ADAMTS1: variants seen among roughly 807,000 people sequenced by gnomAD.
ADAMTS1 encodes ADAM metallopeptidase with thrombospondin type 1 motif 1.
In ADAMTS1, 19 loss-of-function variants were observed where a neutral mutation model predicts 87.9. The ratio of observed to expected loss-of-function variants is 0.22; its 90% CI spans 0.15 to 0.32. The LOEUF is 0.32. ADAMTS1 is among the 10% of genes least tolerant of loss of function. The pLI, the probability that ADAMTS1 is intolerant of heterozygous loss-of-function variation, is 1.00. For synonymous variants in ADAMTS1, 542 were observed against 501.8 expected (o/e 1.08, Z -1.07); for missense variants, 1,240 against 1,259.1 (o/e 0.98, Z 0.23).
At position 26,840,581 on chromosome 21, in the gene ADAMTS1, C is replaced by T; in HGVS notation, c.1379-19G>A. On this transcript the variant is annotated intron_variant, in intron 4 of 8. Coordinates refer to ENST00000284984, the MANE Select transcript of ADAMTS1 (RefSeq NM_006988.5). ...CATTCCCCTGCAAAGGAAATGCCAA[C>T]CAATATCAATACAGAGTTAGTGAGG... 1 of 1,610,594 alleles carries T rather than the reference C, an allele frequency of 6.2e-7. No homozygotes were observed.
At position 26,838,424 on chromosome 21, in the gene ADAMTS1, T is replaced by C. The variant is rs1198093937; in HGVS notation, c.2204+15A>G. The C allele has an allele frequency of 6.2e-7, 1 of 1,613,864 alleles. No homozygotes were observed. The highest frequency in any genetic ancestry group is 1.3e-5 in the African/African-American group (1 of 75,048). ...TTAAATTATAAGGTCTGCAAATAGG[T>C]GTTTTAAAACTTACTTTGCACTAGT... On this transcript the variant is annotated intron_variant, in intron 8 of 8. Coordinates refer to ENST00000284984, the MANE Select transcript of ADAMTS1 (RefSeq NM_006988.5).
At chr21:26,842,742 C>T (rs1985523230) in intron 1 of ADAMTS1, 57 bp from the exon 2 acceptor site, 9 of 1,456,452 alleles carry the variant, frequency 6.2e-6, no homozygotes, top group Non-Finnish European at 6.5e-6. Context: ...TAGTTACCTT[C>T]CTAGCATATA....
rs1409414972 is a variant in ADAMTS1 at position 26,839,748 on chromosome 21, C to G, written c.1867G>C (p.Glu623Gln). 1.7e-5 allele frequency: 28 copies of G among 1,608,688 alleles called. No homozygotes were observed. The highest frequency in any genetic ancestry group is 2.3e-5 in the Non-Finnish European group (27 of 1,176,016). ...TCGTTGTGTGCTTCACATTGTTCCT[C>G]TCTAAAGGTTTTTCCTGGAAAGAGA... ...CPDNNGKTFREEQCEAHNEFS... is the reference protein window; with the variant it reads ...CPDNNGKTFRQEQCEAHNEFS... The change falls in exon 7 of 9, where the codon GAG becomes CAG. Residue 623 changes from glutamate (E) to glutamine (Q), a missense_variant. Glu to Gln is a conservative substitution (Grantham distance 29). This residue lies in a region of ADAMTS1 where 317 missense variants were observed against 410.3 expected (regional missense o/e 0.77). Coordinates refer to ENST00000284984, the MANE Select transcript of ADAMTS1 (RefSeq NM_006988.5).
chr21:26,841,438 C>T (rs1465536573), intron 3 of ADAMTS1: 1 of 330,066 alleles, frequency 3.0e-6, no homozygotes, highest in Non-Finnish European at 5.5e-6. Flanking sequence ...GAGATTGTGC[C>T]ACTCCACTCC....
At position 26,837,313 on chromosome 21, in the gene ADAMTS1, A is replaced by C. The variant is rs1340372860; in HGVS notation, c.*266T>G. On this transcript the variant is annotated 3_prime_UTR_variant, in exon 9 of 9. Coordinates refer to ENST00000284984, the MANE Select transcript of ADAMTS1 (RefSeq NM_006988.5). ...AACTTGTAATAGATGTAACAAAAGA[A>C]ATAATAATAATAATGCCCGGGGCTT... The C allele has an allele frequency of 2.5e-5, 9 of 355,696 alleles. No individual in the cohort carries two copies. The highest frequency in any genetic ancestry group is 4.1e-5 in the Non-Finnish European group (8 of 196,186). 22.0% of individuals were successfully genotyped at this position (355,696 alleles called of 1,614,324 possible).
chr21:26,841,693 T>G (rs1985497582), intron 3 of ADAMTS1, 165 bp downstream of exon 3: 2 of 754,934 alleles, frequency 2.6e-6, no homozygotes, highest in East Asian at 5.7e-5. Context: ...TTTTTTACTT[T>G]AATAAAAATG....
At chr21:26,840,879 AG>A in intron 4 of ADAMTS1, 118 bp downstream of exon 4, 1 of 1,273,192 alleles carries the variant, frequency 7.9e-7, no homozygotes, top group South Asian at 1.5e-5. Flanking sequence ...ATCTTGACAG[AG>A]GAAAAGTAAT....
At position 26,835,948 on chromosome 21, in the gene ADAMTS1, G is replaced by A. The variant is rs1985355903; in HGVS notation, c.*1631C>T. The A allele has an allele frequency of 6.6e-6, 1 of 152,178 alleles. No individual in the cohort carries two copies. Among genetic ancestry groups the A allele is most frequent in the Non-Finnish European group, 1.5e-5 (1 of 68,030 alleles). The allele number at this position is 152,178 out of a possible 1,614,324, so 9.4% of individuals were successfully genotyped here. ...GAGCAGTTGTGACATAGATGGTATTGACAGGATAGTTATTGACAGGATTGA... is the reference window on the plus strand; with the variant it reads ...GAGCAGTTGTGACATAGATGGTATTAACAGGATAGTTATTGACAGGATTGA... On this transcript the variant is annotated 3_prime_UTR_variant, in exon 9 of 9. Coordinates refer to ENST00000284984, the MANE Select transcript of ADAMTS1 (RefSeq NM_006988.5).
At chr21:26,844,170 G>C in intron 1 of ADAMTS1, 55 bp downstream of exon 1, 1 of 1,508,824 alleles carries the variant, frequency 6.6e-7, no homozygotes, top group Non-Finnish European at 8.9e-7. Context: ...GCGTGGGATA[G>C]ATAAAGTGAG....
intron 2 of ADAMTS1, 75 bp from the exon 3 acceptor site, chr21:26,842,065 T>C: frequency 6.6e-7 from 1 of 1,510,148 alleles, no homozygotes; most frequent in East Asian, 2.3e-5. Flanking sequence ...TGGCAGGGTG[T>C]GCCTTCACAT....
intron 7 of ADAMTS1, 60 bp from the exon 8 acceptor site, chr21:26,838,674 A>G: frequency 1.3e-6 from 2 of 1,523,004 alleles, no homozygotes; most frequent in Non-Finnish European, 1.8e-6. Flanking sequence ...TGCTGCAATG[A>G]TAAGTGTAAA....
chr21:26,839,497 G>A, intron 7 of ADAMTS1, 90 bp downstream of exon 7: 1 of 1,208,950 alleles, frequency 8.3e-7, no homozygotes, highest in Admixed American at 2.5e-5. Flanking sequence ...TGTTAATATG[G>A]AAAGCAAAGA....
chr21:26,841,833 A>C, intron 3 of ADAMTS1, 25 bp downstream of exon 3: 1 of 1,603,566 alleles, frequency 6.2e-7, no homozygotes, highest in Non-Finnish European at 8.5e-7. Flanking sequence ...AATTGAGCTT[A>C]ACTTCTACTT....
In ADAMTS1 at chr21:26,838,543, A is replaced by G. The variant is rs145067502; in HGVS notation, c.2100T>C (p.Gly700=). The change falls in exon 8 of 9, where the codon GGT becomes GGC. Residue 700 remains glycine, a synonymous_variant. Transcript: ENST00000284984. ...VCVQGQCVKA[G]CDRIIDSKKK... ...TTTTGGAGTCTATGATGCGATCACA[A>G]CCAGCTTTTACACACTGTCCTTGCA... is the stretch of plus-strand genomic sequence containing the variant. The G allele has an allele frequency of 2.0e-4, 318 of 1,614,142 alleles. No individual in the cohort carries two copies. The African/African-American group carries it at 3.7e-3, about 19-fold the overall frequency.
At position 26,844,759 on chromosome 21, in the gene ADAMTS1, C is replaced by T; in HGVS notation, c.196G>A (p.Glu66Lys). ...EDEELVVPEL[E>K]RAPGHGTTRL... is the part of the protein sequence containing the mutation. Reference sequence around the variant, plus strand: ...GTGGTCCCGTGTCCCGGGGCGCGCTCCAGCTCCGGCACCACTAGCTCCTCG... The same window carrying T: ...GTGGTCCCGTGTCCCGGGGCGCGCTTCAGCTCCGGCACCACTAGCTCCTCG... The change falls in exon 1 of 9, where the codon GAG (glutamate) becomes AAG (lysine). Residue 66 changes from glutamate (E) to lysine (K), a missense_variant. Physicochemically the swap from Glu to Lys is moderately conservative, Grantham distance 56. This residue lies in a region of ADAMTS1 where 521 missense variants were observed against 449.7 expected (regional missense o/e 1.16). Coordinates refer to ENST00000284984, the MANE Select transcript of ADAMTS1 (RefSeq NM_006988.5). 2 of 1,553,826 alleles carry T rather than the reference C, an allele frequency of 1.3e-6. No individual in the cohort carries two copies. Among genetic ancestry groups the T allele is most frequent in the East Asian group, 2.4e-5 (1 of 42,362 alleles).
chr21:26,842,811 A>T lies in ADAMTS1; in HGVS notation c.731-126T>A. ...CAAAAATATACCCAGAACAACAATA[A>T]CAAAAATATTTGCATATCTTCACTC... On this transcript the variant is annotated intron_variant, in intron 1 of 8. Transcript: ENST00000284984. 5.5e-6 allele frequency: 4 copies of T among 727,296 alleles called. No individual in the cohort carries two copies. The South Asian group carries it at 7.7e-5, about 14-fold the overall frequency. The allele number at this position is 727,296 out of a possible 1,614,324, so 45.1% of individuals were successfully genotyped here.
chr21:26,840,944 CTT>C, intron 4 of ADAMTS1, 52 bp downstream of exon 4: 2 of 1,563,118 alleles, frequency 1.3e-6, no homozygotes, highest in Non-Finnish European at 8.7e-7. Context: ...TTTAACTAAA[CTT>C]TATGCGTGAA....
chr21:26,843,392 G>T (rs1166115829), intron 1 of ADAMTS1: 8 of 445,736 alleles, frequency 1.8e-5, no homozygotes, highest in Non-Finnish European at 3.7e-5. Flanking sequence ...GCTCCCAGGA[G>T]CAGAGGAGCA....
At position 26,844,447 on chromosome 21, in the gene ADAMTS1, T is replaced by TGGC; in HGVS notation, c.505_507dup (p.Ala169dup). 1.3e-6 allele frequency: 2 copies of TGGC among 1,587,186 alleles called. No individual in the cohort carries two copies. Among genetic ancestry groups the TGGC allele is most frequent in the Non-Finnish European group, 1.7e-6 (2 of 1,166,690 alleles). ...GGCGGCTTCTCCCCTGGGGCGGCGG[T>TGGC]GGCGAGGCGCTCGCTGGCGGCGGGC... On this transcript the variant is annotated inframe_insertion, in exon 1 of 9. Coordinates refer to ENST00000284984, the MANE Select transcript of ADAMTS1 (RefSeq NM_006988.5).
Sources: allele counts gnomAD v4.1 joint callset, GRCh38; gene constraint gnomAD v4.1.1; regional missense constraint gnomAD v4.1.1; transcripts MANE v1.5; gene names NCBI Gene and HGNC (gene_info 2026-07-23, HGNC 2026-07-21).